TPH2: variants seen among roughly 807,000 people sequenced by gnomAD.
The protein encoded by TPH2 is tryptophan 5-hydroxylase 2.
Under a neutral mutation model 59.1 loss-of-function variants are expected in TPH2, and 27 were observed. The observed-to-expected ratio is 0.46, with a 90% confidence interval of 0.34 to 0.63. The LOEUF (loss-of-function observed/expected upper bound fraction) is 0.63, where lower values mean the gene tolerates loss of function less well. TPH2 is among the 30% of genes least tolerant of loss of function. The pLI, the probability that TPH2 is intolerant of heterozygous loss-of-function variation, is 0.01. For missense variants in TPH2, 523 were observed against 588.3 expected (o/e 0.89, Z 1.15); for synonymous variants, 220 against 210.5 (o/e 1.05, Z -0.39).
At chr12:71,968,657 G>A (rs1015891520) in intron 5 of TPH2, among the ~76,000 whole-genome samples, 1 of 152,218 alleles carries the variant, frequency 6.6e-6, no homozygotes, top group Admixed American at 6.5e-5. Flanking sequence ...GGAGCAGCCT[G>A]CTGTCTTGAC....
intron 4 of TPH2, among the ~76,000 whole-genome samples, chr12:71,945,048 AGGTATTAT>A (rs556408339): frequency 6.6e-5 from 10 of 152,292 alleles, no homozygotes; most frequent in African/African-American, 2.4e-4. Flanking sequence ...AGGGAGGACT[AGGTATTAT>A]GGGGCTCAGT....
At chr12:71,954,857 G>A (rs1359183194) in intron 5 of TPH2, among the ~76,000 whole-genome samples, 1 of 151,756 alleles carries the variant, frequency 6.6e-6, no homozygotes, top group Non-Finnish European at 1.5e-5. Flanking sequence ...GGGGATGGTG[G>A]TAGTTATTTC....
rs770351847 is a variant in TPH2 at position 72,000,013 on chromosome 12, C to T, written c.1068+5448C>T. Among the ~76,000 whole-genome samples, 98 of 152,138 alleles carry T rather than the reference C, an allele frequency of 6.4e-4. 3 individuals carry two copies. The highest frequency in any genetic ancestry group is 2.4e-4 in the Non-Finnish European group (16 of 68,030). On this transcript the variant is annotated intron_variant, in intron 8 of 10. Coordinates refer to ENST00000333850, the MANE Select transcript of TPH2 (RefSeq NM_173353.4). ...CTTATTGTGGTTGAGAGGTGACTTG[C>T]CTTTGAGTCATAACTTTAAACCTGT...
At chr12:71,975,441 C>T (rs1261269670) in intron 6 of TPH2, among the ~76,000 whole-genome samples, 1 of 152,188 alleles carries the variant, frequency 6.6e-6, no homozygotes, top group Non-Finnish European at 1.5e-5. Flanking sequence ...TGATAGTTTG[C>T]TGATCTCTGT....
intron 7 of TPH2, among the ~76,000 whole-genome samples, chr12:71,982,015 A>ATTTTTGTTTTTTTTTTTTTTTTTTTTTTT (rs1872293360): frequency 1.7e-5 from 1 of 60,492 alleles, no homozygotes; most frequent in African/African-American, 6.1e-5. Flanking sequence ...TATCATTCGT[A>ATTTTTGTTTTTTTTTTTTTTTTTTTTTTT]TTTTTTTTTT....
At chr12:71,954,140 G>A (rs1479530314) in intron 5 of TPH2, among the ~76,000 whole-genome samples, 1 of 152,130 alleles carries the variant, frequency 6.6e-6, no homozygotes, top group East Asian at 1.9e-4. Context: ...CAGGCTCAAA[G>A]TCTGTATTAC....
intron 7 of TPH2, among the ~76,000 whole-genome samples, chr12:71,985,083 GT>G (rs1415036282): frequency 6.6e-6 from 1 of 152,206 alleles, no homozygotes; most frequent in Admixed American, 6.5e-5. Flanking sequence ...TAAGTGTAAT[GT>G]ATGGATGGAC....
intron 9 of TPH2, among the ~76,000 whole-genome samples, chr12:72,027,021 G>A (rs1873588854): frequency 6.6e-6 from 1 of 151,270 alleles, no homozygotes; most frequent in Admixed American, 6.6e-5. Flanking sequence ...AGAATCTAGG[G>A]CCCAAACTAT....
intron 7 of TPH2, among the ~76,000 whole-genome samples, chr12:71,990,502 G>T (rs1432199364): frequency 6.6e-6 from 1 of 152,168 alleles, no homozygotes; most frequent in Non-Finnish European, 1.5e-5. Flanking sequence ...TAAGTCCTCT[G>T]CAGAGAATCT....
rs139411431 is a variant in TPH2 at position 71,950,152 on chromosome 12, C to T, written c.608+497C>T. On this transcript the variant is annotated intron_variant, in intron 5 of 10. Transcript: ENST00000333850. ...GTTATGAAGGAGTTTCACACCCATT[C>T]CCAGATCAGAGTTGGGATGGAAGAG... 4.1e-3 allele frequency among the ~76,000 whole-genome samples: 630 copies of T among 152,236 alleles called. 2 individuals carry two copies. Among genetic ancestry groups the T allele is most frequent in the Middle Eastern group, 0.02 (6 of 294 alleles).
rs1342127353 is a variant in TPH2, at chr12:71,939,085, C to T, written c.99C>T (p.Ser33=). The T allele has an allele frequency of 1.9e-6, 3 of 1,613,110 alleles. No individual in the cohort carries two copies. Among genetic ancestry groups the T allele is most frequent in the Non-Finnish European group, 2.5e-6 (3 of 1,179,384 alleles). The change falls in exon 1 of 11, where the codon AGC becomes AGT. Residue 33 remains serine, a synonymous_variant. Coordinates refer to ENST00000333850, the MANE Select transcript of TPH2 (RefSeq NM_173353.4). ...CCGAAGAGCATCAGCTACTTGGCAGCTCAACAGTGAGTACTACGTACCTGG... is the reference window on the plus strand; with the variant it reads ...CCGAAGAGCATCAGCTACTTGGCAGTTCAACAGTGAGTACTACGTACCTGG... The part of the protein sequence containing the change: ...AVPEEHQLLG[S]STLNKPNSGK...
intron 4 of TPH2, among the ~76,000 whole-genome samples, chr12:71,947,130 T>C (rs1162210628): frequency 6.6e-6 from 1 of 152,222 alleles, no homozygotes; most frequent in African/African-American, 2.4e-5. Flanking sequence ...CAGGGGATCC[T>C]GATGAGATCT....
At chr12:71,968,581 C>A (rs1299882380) in intron 5 of TPH2, among the ~76,000 whole-genome samples, 2 of 152,234 alleles carry the variant, frequency 1.3e-5, no homozygotes, top group African/African-American at 4.8e-5. Context: ...CTGGATCCTG[C>A]TGCCCAGTAA....
intron 4 of TPH2, 120 bp from the exon 5 acceptor site, chr12:71,949,468 A>T: frequency 1.3e-6 from 1 of 787,058 alleles, no homozygotes; most frequent in East Asian, 2.7e-5. Context: ...CAAGATGGCC[A>T]TCCTAGGATA....
chr12:72,004,053 A>G (rs1872890675), intron 8 of TPH2, among the ~76,000 whole-genome samples: 1 of 138,886 alleles, frequency 7.2e-6, no homozygotes, highest in African/African-American at 2.6e-5. Flanking sequence ...TCCATGCAGA[A>G]GCACCATAGT....
chr12:71,975,621 C>T (rs1763334259), intron 6 of TPH2, among the ~76,000 whole-genome samples: 1 of 152,204 alleles, frequency 6.6e-6, no homozygotes, highest in Admixed American at 6.5e-5. Flanking sequence ...CTCTTCTCCA[C>T]CTACTCAAAT....
At position 71,979,068 on chromosome 12, in the gene TPH2, C is replaced by T. The variant is rs1277010383; in HGVS notation, c.922C>T (p.Pro308Ser). The T allele has an allele frequency of 1.2e-6, 2 of 1,614,124 alleles. No individual in the cohort carries two copies. ...CCAGTACATCCGGCATGGCTCAGATCCCCTCTACACCCCAGAACCGTGAGT... is the reference window on the plus strand; with the variant it reads ...CCAGTACATCCGGCATGGCTCAGATTCCCTCTACACCCCAGAACCGTGAGT... Reference protein sequence around the residue: ...CTQYIRHGSDPLYTPEPDTCH... With the variant: ...CTQYIRHGSDSLYTPEPDTCH... The change falls in exon 7 of 11, where the codon CCC becomes TCC. Residue 308 changes from proline to serine, a missense_variant. Pro to Ser is a moderately conservative substitution (Grantham distance 74, BLOSUM62 -1). Transcript: ENST00000333850.
Position 72,009,236 on chromosome 12 carries a change from G to C in TPH2, c.1069-13163G>C, listed in dbSNP as rs990388696. On this transcript the variant is annotated intron_variant, in intron 8 of 10. Transcript: ENST00000333850. ...GTCCTGCCTCTACTGATTGATTAGGGGAAGGGAAAGAGAAGAGAGGGATTG... is the reference window on the plus strand; with the variant it reads ...GTCCTGCCTCTACTGATTGATTAGGCGAAGGGAAAGAGAAGAGAGGGATTG... 3.9e-5 allele frequency among the ~76,000 whole-genome samples: 6 copies of C among 152,146 alleles called. No homozygotes were observed. The East Asian group carries it at 1.2e-3, about 29-fold the overall frequency.
chr12:72,028,264 C>G (rs1873622618), intron 9 of TPH2, among the ~76,000 whole-genome samples: 1 of 152,174 alleles, frequency 6.6e-6, no homozygotes, highest in Admixed American at 6.5e-5. Context: ...AAGACAGAAT[C>G]ACTGCAGAGT....
Sources: gnomAD v4.1 joint callset for allele counts (sites outside exome capture counted in the v4.1 genomes callset) on GRCh38, gnomAD v4.1.1 for gene constraint, MANE v1.5 for transcripts, NCBI Gene and HGNC (gene_info 2026-07-23, HGNC 2026-07-21) for gene names.